Variants in LCA5L observed in about 807,000 individuals in gnomAD.
LCA5L encodes lebercilin-like protein.
A neutral mutation model predicts 45.4 loss-of-function variants in LCA5L; 35 were observed. That is an observed-to-expected ratio of 0.77 (90% CI 0.59 to 1.02). The LOEUF is 1.02. Among genes scored for constraint, LCA5L ranks in the 50% least tolerant of loss-of-function variants. LCA5L has a pLI of 0.00. For missense variants in LCA5L, 668 were observed against 761.6 expected (o/e 0.88, Z 1.45); for synonymous variants, 233 against 264.7 (o/e 0.88, Z 1.16).
At chr21:39,414,291 G>C (rs2040638036) in intron 7 of LCA5L, 1 of 152,220 alleles carries the variant, frequency 6.6e-6, no homozygotes, top group Admixed American at 6.5e-5. Flanking sequence ...CTTAATGCAG[G>C]AGTGTGACCG....
At position 39,428,326 on chromosome 21, in the gene LCA5L, G is replaced by A. The variant is rs1288333567; in HGVS notation, c.168C>T (p.Cys56=). 4 of 1,613,410 alleles carry A rather than the reference G, an allele frequency of 2.5e-6. No homozygotes were observed. The East Asian group carries it at 8.9e-5, about 36-fold the overall frequency. ...ACTGAGAACTTAAACTTCCACAGGA[G>A]CACTGAGATCTGCTATAATCAACAC... ...NKSVDYSRSQ[C]SCGSLSSQYD... The change falls in exon 5 of 11, where the codon TGC becomes TGT. Residue 56 remains cysteine, a synonymous_variant. Coordinates refer to ENST00000288350, the MANE Select transcript of LCA5L (RefSeq NM_152505.4).
intron 2 of LCA5L, chr21:39,439,539 G>C (rs1265122912): frequency 6.6e-6 from 1 of 152,218 alleles, no homozygotes; most frequent in African/African-American, 2.4e-5. Context: ...AGAGAAGATG[G>C]TGAGTTCAAA....
intron 2 of LCA5L, among the ~76,000 whole-genome samples, chr21:39,435,804 T>C (rs2076230333): frequency 6.6e-6 from 1 of 152,028 alleles, no homozygotes; most frequent in South Asian, 2.1e-4. Flanking sequence ...CCCGGCTAAT[T>C]TTTTTGTATT....
At chr21:39,410,735 C>A (rs925944009) in intron 8 of LCA5L, 12 of 434,016 alleles carry the variant, frequency 2.8e-5, no homozygotes, top group African/African-American at 2.5e-4. Flanking sequence ...TTAGACTGTC[C>A]ATGCTGAAGC....
intron 5 of LCA5L, among the ~76,000 whole-genome samples, chr21:39,427,578 C>T (rs956668908): frequency 6.6e-6 from 1 of 150,830 alleles, no homozygotes; most frequent in Non-Finnish European, 1.5e-5. Context: ...AGGAGAATGG[C>T]GTGAACCCGG....
Position 39,410,026 on chromosome 21 carries a change from C to A in LCA5L, c.1235G>T (p.Cys412Phe). 3.1e-6 allele frequency: 5 copies of A among 1,608,020 alleles called. No homozygotes were observed. The highest frequency in any genetic ancestry group is 4.3e-6 in the Non-Finnish European group (5 of 1,175,134). Residue 412 changes from cysteine (C) to phenylalanine (F), a missense_variant, in exon 10 of 11, where the codon TGT (cysteine) becomes TTT (phenylalanine). By Grantham distance (205) the Cys-to-Phe change is radical. Transcript: ENST00000288350. ...CTCTTGCTTTGGTAGTTTATTCACACAGTGAGGAATTTCATGATTTATTTC... is the reference window on the plus strand; with the variant it reads ...CTCTTGCTTTGGTAGTTTATTCACAAAGTGAGGAATTTCATGATTTATTTC... ...STEINHEIPH[C>F]VNKLPKQEDS...
chr21:39,415,673 T>G (rs188106931), intron 7 of LCA5L, among the ~76,000 whole-genome samples: 32 of 152,368 alleles, frequency 2.1e-4, no homozygotes, highest in African/African-American at 7.7e-4. Flanking sequence ...TTAAAAGGTT[T>G]GTTTGAATTA....
intron 2 of LCA5L, among the ~76,000 whole-genome samples, chr21:39,437,101 C>T (rs914817287): frequency 3.9e-5 from 6 of 152,202 alleles, no homozygotes; most frequent in Admixed American, 1.3e-4. Context: ...ATTAATGTTC[C>T]GGATGCCTCT....
At chr21:39,435,274 G>C (rs1173181170) in intron 3 of LCA5L, 146 bp downstream of exon 3, 1 of 152,202 alleles carries the variant, frequency 6.6e-6, no homozygotes, top group Non-Finnish European at 1.5e-5. Context: ...TATCTAATTA[G>C]TGAATTAGAA....
At chr21:39,417,121 C>T (rs1204073394) in intron 7 of LCA5L, among the ~76,000 whole-genome samples, 1 of 152,234 alleles carries the variant, frequency 6.6e-6, no homozygotes, top group East Asian at 1.9e-4. Flanking sequence ...TAATCTCCGC[C>T]TCCTGGGTTC....
At chr21:39,434,409 TATAC>T (rs1398330584) in intron 3 of LCA5L, among the ~76,000 whole-genome samples, 1 of 151,176 alleles carries the variant, frequency 6.6e-6, no homozygotes, top group Non-Finnish European at 1.5e-5. Context: ...TTCATATTAA[TATAC>T]ATACACTACA....
intron 7 of LCA5L, among the ~76,000 whole-genome samples, chr21:39,415,314 T>A (rs1436602001): frequency 6.6e-6 from 1 of 152,182 alleles, no homozygotes; most frequent in Non-Finnish European, 1.5e-5. Context: ...TAAAAATGCA[T>A]AAAATATGTA....
chr21:39,407,676 C>T (rs1268520807), intron 10 of LCA5L: 1 of 152,206 alleles, frequency 6.6e-6, no homozygotes, highest in African/African-American at 2.4e-5. Flanking sequence ...AGAATATAAG[C>T]ACATGAGGGC....
At chr21:39,421,197 G>A (rs1480491238) in intron 6 of LCA5L, among the ~76,000 whole-genome samples, 1 of 151,680 alleles carries the variant, frequency 6.6e-6, no homozygotes, top group Non-Finnish European at 1.5e-5. Context: ...CCACCTCCTG[G>A]GTTCAAACGA....
Position 39,420,824 on chromosome 21 carries a change from CTCAGT to C in LCA5L, c.852_856del (p.Leu285ValfsTer7). The C allele has an allele frequency of 6.2e-7, 1 of 1,612,670 alleles. No individual in the cohort carries two copies. Among genetic ancestry groups the C allele is most frequent in the Non-Finnish European group, 8.5e-7 (1 of 1,178,938 alleles). ...CCGGCTAAAGGCTCTGCAGTTCAAC[CTCAGT>C]TGTTTTTCCAAGCTCTGAAAACAGT... On this transcript the variant is annotated frameshift_variant, in exon 7 of 11. Transcript: ENST00000288350. LOFTEE classifies it high-confidence loss of function.
intron 7 of LCA5L, among the ~76,000 whole-genome samples, chr21:39,418,055 C>T (rs372165118): frequency 1.4e-4 from 22 of 152,188 alleles, no homozygotes; most frequent in African/African-American, 4.6e-4. Flanking sequence ...CGTGAGCCAC[C>T]GCGCCCAGCG....
rs139735104 is a variant in LCA5L, at chr21:39,436,767, C to T, written c.-245-1194G>A. On this transcript the variant is annotated intron_variant, in intron 2 of 10. Coordinates refer to ENST00000288350, the MANE Select transcript of LCA5L (RefSeq NM_152505.4). ...AAGTGCTGGGATTACAGGCATGATC[C>T]GGGCCACAGCACCCGGCCAGTAATT... Among the ~76,000 whole-genome samples the T allele has an allele frequency of 2.3e-3, 344 of 152,226 alleles. 4 individuals carry two copies. The highest frequency in any genetic ancestry group is 7.7e-3 in the African/African-American group (321 of 41,548).
At chr21:39,442,430 T>C (rs564732978) in intron 2 of LCA5L, among the ~76,000 whole-genome samples, 12 of 151,922 alleles carry the variant, frequency 7.9e-5, no homozygotes, top group African/African-American at 2.9e-4. Flanking sequence ...GCGGGAGGGG[T>C]GGCATAATCA....
chr21:39,430,992 T>C (rs2148020940), intron 3 of LCA5L, among the ~76,000 whole-genome samples: 1 of 152,320 alleles, frequency 6.6e-6, no homozygotes, highest in Non-Finnish European at 1.5e-5. Context: ...TCTTAGTCTC[T>C]TAGTTTAATA....
Sources: allele counts gnomAD v4.1 joint callset (sites outside exome capture counted in the v4.1 genomes callset), GRCh38; gene constraint gnomAD v4.1.1; transcripts MANE v1.5; gene names NCBI Gene and HGNC (gene_info 2026-07-23, HGNC 2026-07-21).